The following DLGAP1 variants were observed in gnomAD, a reference collection of about 807,000 sequenced individuals.
DLGAP1 encodes DLG associated protein 1.
A neutral mutation model predicts 90.8 loss-of-function variants in DLGAP1; 11 were observed. The ratio of observed to expected loss-of-function variants is 0.12; its 90% CI spans 0.08 to 0.20. The LOEUF (loss-of-function observed/expected upper bound fraction) is 0.20, where lower values mean the gene tolerates loss of function less well. DLGAP1 is among the 10% of genes least tolerant of loss of function. DLGAP1 has a pLI of 1.00. For synonymous variants in DLGAP1, 558 were observed against 540.7 expected, an observed-to-expected ratio of 1.03 and a Z score of -0.44; for missense variants, 1,050 against 1,333.8, an observed-to-expected ratio of 0.79 and a Z score of 3.31.
chr18:3,658,852 T>C (rs955221416), intron 7 of DLGAP1, among the ~76,000 whole-genome samples: 1 of 152,206 alleles, frequency 6.6e-6, no homozygotes, highest in African/African-American at 2.4e-5. Flanking sequence ...CTGATCAGTA[T>C]GTAGAAACAG....
At chr18:4,427,210 T>C (rs1271163865) in intron 1 of DLGAP1, among the ~76,000 whole-genome samples, 2 of 152,160 alleles carry the variant, frequency 1.3e-5, no homozygotes, top group Non-Finnish European at 2.9e-5. Context: ...AGTGATATCA[T>C]ATTGAGCAAA....
intron 5 of DLGAP1, among the ~76,000 whole-genome samples, chr18:3,771,647 C>A (rs8083605): frequency 1 from 152,368 of 152,374 alleles, 76,181 homozygotes; most frequent in Middle Eastern, 1. Flanking sequence ...TCAAGTTTTT[C>A]CATGTTTGAC....
intron 2 of DLGAP1, among the ~76,000 whole-genome samples, chr18:4,149,711 G>A (rs967246): frequency 0.1 from 15,300 of 152,266 alleles, 2,228 homozygotes; most frequent in African/African-American, 0.32. Context: ...CTGTCCACGT[G>A]AGGAATCTAG....
rs976186558 is a variant in DLGAP1 at position 3,922,351 on chromosome 18, G to A, written c.-72-42211C>T. Among the ~76,000 whole-genome samples the A allele has an allele frequency of 2.6e-5, 4 of 152,172 alleles. No homozygotes were observed. The South Asian group carries it at 8.3e-4, about 32-fold the overall frequency. ...GCCCGGCATTAAGCCAGGCACTAGG[G>A]ATATGAAGTCTTTACCCCTGGAGAA... is the stretch of plus-strand genomic sequence containing the variant. On this transcript the variant is annotated intron_variant, in intron 3 of 12. Transcript: ENST00000315677.
At chr18:3,772,256 TTC>T (rs1409022195) in intron 5 of DLGAP1, among the ~76,000 whole-genome samples, 1 of 150,814 alleles carries the variant, frequency 6.6e-6, no homozygotes, top group African/African-American at 2.4e-5. Flanking sequence ...TTTCCTTCCT[TTC>T]TTTCTCTCTT....
intron 2 of DLGAP1, among the ~76,000 whole-genome samples, chr18:4,037,360 A>G (rs566278850): frequency 2.0e-5 from 3 of 152,274 alleles, no homozygotes; most frequent in African/African-American, 7.2e-5. Context: ...CCATTTTTTC[A>G]ATTCATGCAC....
At chr18:3,754,378 A>G (rs775488159) in intron 5 of DLGAP1, among the ~76,000 whole-genome samples, 2 of 152,154 alleles carry the variant, frequency 1.3e-5, no homozygotes, top group African/African-American at 4.8e-5. Context: ...TTTGAATTGT[A>G]TGGGTCCACT....
chr18:3,618,390 T>A (rs1426603192), intron 7 of DLGAP1, among the ~76,000 whole-genome samples: 1 of 152,092 alleles, frequency 6.6e-6, no homozygotes, highest in African/African-American at 2.4e-5. Context: ...CAAACAGCCC[T>A]TTCAAAGAAC....
intron 9 of DLGAP1, among the ~76,000 whole-genome samples, chr18:3,558,532 T>C (rs752815646): frequency 3.3e-5 from 5 of 152,168 alleles, no homozygotes; most frequent in Non-Finnish European, 7.3e-5. Context: ...CGGGCCCAGC[T>C]AGAATTCATG....
intron 2 of DLGAP1, among the ~76,000 whole-genome samples, chr18:4,091,316 C>G (rs1473323568): frequency 6.6e-6 from 1 of 152,160 alleles, no homozygotes; most frequent in East Asian, 1.9e-4. Flanking sequence ...GATCTTTGGA[C>G]TTCAGCTATT....
Position 4,033,598 on chromosome 18 carries a change from A to C in DLGAP1, c.-158-28397T>G, listed in dbSNP as rs1392733844. Among the ~76,000 whole-genome samples, 5 of 152,342 alleles carry C rather than the reference A, an allele frequency of 3.3e-5. No homozygotes were observed. The East Asian group carries it at 7.7e-4, about 24-fold the overall frequency. On this transcript the variant is annotated intron_variant, in intron 2 of 12. Transcript: ENST00000315677. ...TCACCACATTTACATTCCTGCCAGC[A>C]ATGTAGAGCATATGCATTTTCTATA...
chr18:4,129,323 T>C (rs1158824087), intron 2 of DLGAP1, among the ~76,000 whole-genome samples: 1 of 152,098 alleles, frequency 6.6e-6, no homozygotes, highest in East Asian at 1.9e-4. Flanking sequence ...ATTCAAGTAT[T>C]ACACACACAT....
chr18:4,054,303 T>C (rs1186909049), intron 2 of DLGAP1, among the ~76,000 whole-genome samples: 1 of 152,176 alleles, frequency 6.6e-6, no homozygotes, highest in Admixed American at 6.5e-5. Context: ...TGTGGGCTCT[T>C]TTAGAATTGA....
chr18:4,163,670 C>T (rs905792431), intron 1 of DLGAP1, among the ~76,000 whole-genome samples: 3 of 152,112 alleles, frequency 2.0e-5, no homozygotes, highest in Non-Finnish European at 4.4e-5. Context: ...AGTCCATTCC[C>T]GAAGCAAAAA....
intron 7 of DLGAP1, among the ~76,000 whole-genome samples, chr18:3,594,665 T>C (rs1397680440): frequency 6.6e-6 from 1 of 152,128 alleles, no homozygotes; most frequent in Non-Finnish European, 1.5e-5. Flanking sequence ...TGTTGTTGTT[T>C]TAAAGCAGCA....
rs373822738 is a variant in DLGAP1, at chr18:4,292,408, T to C, written c.-266-141121A>G. Among the ~76,000 whole-genome samples the C allele has an allele frequency of 1.1e-4, 17 of 152,230 alleles. No individual in the cohort carries two copies. The East Asian group carries it at 1.5e-3, about 14-fold the overall frequency. ...TTTTTTTTTCATTTGAAAATATGTA[T>C]ATTTTAAAGTCAGATCACCAGATTG... On this transcript the variant is annotated intron_variant, in intron 1 of 12. Coordinates refer to ENST00000315677, the MANE Select transcript of DLGAP1 (RefSeq NM_004746.4).
chr18:4,393,102 C>T (rs1379769495), intron 1 of DLGAP1, among the ~76,000 whole-genome samples: 1 of 152,162 alleles, frequency 6.6e-6, no homozygotes, highest in African/African-American at 2.4e-5. Flanking sequence ...TGGTTTCTTT[C>T]CAGCAAAATA....
chr18:3,798,005 G>C (rs1391861399), intron 5 of DLGAP1, among the ~76,000 whole-genome samples: 3 of 152,130 alleles, frequency 2.0e-5, no homozygotes, highest in African/African-American at 7.2e-5. Flanking sequence ...TGCCGCTCTT[G>C]CCTTCTGCCA....
chr18:4,094,642 G>A (rs1187912650), intron 2 of DLGAP1, among the ~76,000 whole-genome samples: 1 of 135,038 alleles, frequency 7.4e-6, no homozygotes, highest in Non-Finnish European at 1.5e-5. Context: ...TTGTCACCCA[G>A]GCTAGAGTGC....
Sources: allele counts gnomAD v4.1 joint callset (sites outside exome capture counted in the v4.1 genomes callset), GRCh38; gene constraint gnomAD v4.1.1; transcripts MANE v1.5; gene names NCBI Gene and HGNC (gene_info 2026-07-23, HGNC 2026-07-21).